ARHGAP31: variants seen among roughly 807,000 people sequenced by gnomAD.
ARHGAP31 encodes Rho GTPase activating protein 31.
Under a neutral mutation model 113.9 loss-of-function variants are expected in ARHGAP31, and 34 were observed. The observed-to-expected ratio is 0.30, with a 90% confidence interval of 0.23 to 0.40. The LOEUF (loss-of-function observed/expected upper bound fraction) is 0.40. Among genes scored for constraint, ARHGAP31 ranks in the 10% least tolerant of loss-of-function variants. The pLI, the probability that ARHGAP31 is intolerant of heterozygous loss-of-function variation, is 1.00. For synonymous variants in ARHGAP31, 650 were observed against 684.8 expected, an observed-to-expected ratio of 0.95 and a Z score of 0.79; for missense variants, 1,548 against 1,767.1, an observed-to-expected ratio of 0.88 and a Z score of 2.22.
intron 1 of ARHGAP31, among the ~76,000 whole-genome samples, chr3:119,323,309 C>T (rs1234237950): frequency 2.0e-5 from 3 of 152,090 alleles, no homozygotes; most frequent in Admixed American, 1.3e-4. Context: ...GCCGCCGGCC[C>T]TGGGGGCAGC....
chr3:119,415,573 C>G lies in ARHGAP31; in HGVS notation c.3644C>G (p.Pro1215Arg). ...ATTCAGTACACCCAGATCCCACAGC[C>G]CCTGCCCTCTCAGAGCTCAGGGGAG... ...PKIQYTQIPQPLPSQSSGENG... is the reference protein window; with the variant it reads ...PKIQYTQIPQRLPSQSSGENG... The change falls in exon 12 of 12, where the codon CCC (proline) becomes CGC (arginine). Residue 1215 changes from proline to arginine, a missense_variant. Pro to Arg is a moderately radical substitution (Grantham distance 103). Transcript: ENST00000264245. The G allele has an allele frequency of 2.5e-6, 4 of 1,614,178 alleles. No homozygotes were observed. The highest frequency in any genetic ancestry group is 3.4e-6 in the Non-Finnish European group (4 of 1,180,046).
At chr3:119,384,104 T>C (rs754243305) in intron 6 of ARHGAP31, among the ~76,000 whole-genome samples, 14 of 152,222 alleles carry the variant, frequency 9.2e-5, no homozygotes, top group Non-Finnish European at 1.8e-4. Context: ...CAATATATTT[T>C]TTAGCTGATC....
chr3:119,414,526 G>C lies in ARHGAP31; in HGVS notation c.2597G>C (p.Arg866Thr). Reference sequence around the variant, plus strand: ...GGCTGTGGTTTTCCAAGCCCAACCAGGGAGGTTGAGATCGTCTCACAAGAA... The same window carrying C: ...GGCTGTGGTTTTCCAAGCCCAACCACGGAGGTTGAGATCGTCTCACAAGAA... ...GKGCGFPSPT[R>T]EVEIVSQEEE... The change falls in exon 12 of 12, where the codon AGG (arginine) becomes ACG (threonine). Residue 866 changes from arginine to threonine, a missense_variant. By Grantham distance (71) the Arg-to-Thr change is moderately conservative (BLOSUM62 -1). Coordinates refer to ENST00000264245, the MANE Select transcript of ARHGAP31 (RefSeq NM_020754.4). The C allele has an allele frequency of 1.9e-6, 3 of 1,614,230 alleles. No individual in the cohort carries two copies. Among genetic ancestry groups the C allele is most frequent in the Non-Finnish European group, 2.5e-6 (3 of 1,180,044 alleles).
At chr3:119,307,957 A>AAAAAAAAAAG (rs1251267299) in intron 1 of ARHGAP31, among the ~76,000 whole-genome samples, 1 of 149,928 alleles carries the variant, frequency 6.7e-6, no homozygotes, top group Non-Finnish European at 1.5e-5. Flanking sequence ...AAAAAAAAAA[A>AAAAAAAAAAG]AAAGCTCAAT....
intron 1 of ARHGAP31, among the ~76,000 whole-genome samples, chr3:119,300,756 G>C (rs2107592334): frequency 6.6e-6 from 1 of 151,686 alleles, no homozygotes; most frequent in South Asian, 2.1e-4. Context: ...GAACCTGGGA[G>C]GCGGAGGTTG....
chr3:119,302,680 A>G (rs1301912538), intron 1 of ARHGAP31, among the ~76,000 whole-genome samples: 1 of 152,238 alleles, frequency 6.6e-6, no homozygotes, highest in African/African-American at 2.4e-5. Context: ...AAGTGATGCC[A>G]AGATTATAGA....
intron 1 of ARHGAP31, among the ~76,000 whole-genome samples, chr3:119,349,670 A>G (rs999332348): frequency 5.9e-5 from 9 of 152,220 alleles, no homozygotes; most frequent in African/African-American, 2.2e-4. Flanking sequence ...TGGAGTCCTG[A>G]TAACAATGGG....
At position 119,350,009 on chromosome 3, in the gene ARHGAP31, G is replaced by A. The variant is rs78771654; in HGVS notation, c.101-15307G>A. On this transcript the variant is annotated intron_variant, in intron 1 of 11. Transcript: ENST00000264245. Reference sequence around the variant, plus strand: ...AAGAGATTTCAGTGCTAATAGAAGGGGATGAGATTTGGTGATTTTTTTTCT... The same window carrying A: ...AAGAGATTTCAGTGCTAATAGAAGGAGATGAGATTTGGTGATTTTTTTTCT... Among the ~76,000 whole-genome samples the A allele has an allele frequency of 3.8e-3, 586 of 152,238 alleles. 2 individuals are homozygous for A. Among genetic ancestry groups the A allele is most frequent in the African/African-American group, 0.013 (541 of 41,546 alleles).
In ARHGAP31 at chr3:119,414,697, T is replaced by A; in HGVS notation, c.2768T>A (p.Leu923Gln). Reference sequence around the variant, plus strand: ...ACGAGTCCCCTTCACTCTCCCACCCTGAAAGACGCGCACAAGGCCCAGGTA... The same window carrying A: ...ACGAGTCCCCTTCACTCTCCCACCCAGAAAGACGCGCACAAGGCCCAGGTA... ...WVTSPLHSPT[L>Q]KDAHKAQVQG... Residue 923 changes from leucine (L) to glutamine (Q), a missense_variant, in exon 12 of 12, where the codon CTG (leucine) becomes CAG (glutamine). Physicochemically the swap from Leu to Gln is moderately radical, Grantham distance 113. Transcript: ENST00000264245. 1 of 1,614,170 alleles carries A rather than the reference T, an allele frequency of 6.2e-7. No individual in the cohort carries two copies. Among genetic ancestry groups the A allele is most frequent in the Admixed American group, 1.7e-5 (1 of 60,018 alleles).
intron 1 of ARHGAP31, among the ~76,000 whole-genome samples, chr3:119,312,639 CAAT>C (rs371563279): frequency 4.3e-4 from 65 of 152,250 alleles, no homozygotes; most frequent in African/African-American, 1.2e-3. Flanking sequence ...ACAACAACAA[CAAT>C]GTGATTTATA....
At position 119,419,809 on chromosome 3, in the gene ARHGAP31, C is replaced by G. The variant is rs2080807300; in HGVS notation, c.*3545C>G. ...TGAGAACTTTGCTTGATTTAGAAAA[C>G]TGGAAAGTGGCAACTAGGCTAGAAT... On this transcript the variant is annotated 3_prime_UTR_variant, in exon 12 of 12. Coordinates refer to ENST00000264245, the MANE Select transcript of ARHGAP31 (RefSeq NM_020754.4). 6.6e-6 allele frequency: 1 copy of G among 152,160 alleles called. No homozygotes were observed. The highest frequency in any genetic ancestry group is 6.5e-5 in the Admixed American group (1 of 15,272). 9.4% of individuals were successfully genotyped at this position (152,160 alleles called of 1,614,324 possible).
intron 7 of ARHGAP31, 40 bp downstream of exon 7, chr3:119,391,023 G>T: frequency 6.2e-7 from 1 of 1,602,742 alleles, no homozygotes; most frequent in Non-Finnish European, 8.5e-7. Flanking sequence ...GAGATGTGTG[G>T]TTGAAGAGGA....
At chr3:119,384,387 A>G (rs1290203879) in intron 6 of ARHGAP31, among the ~76,000 whole-genome samples, 1 of 152,230 alleles carries the variant, frequency 6.6e-6, no homozygotes, top group Non-Finnish European at 1.5e-5. Flanking sequence ...CATCAGTCCA[A>G]AAAGAAACCT....
At chr3:119,354,340 TA>T (rs569574955) in intron 1 of ARHGAP31, among the ~76,000 whole-genome samples, 26 of 152,156 alleles carry the variant, frequency 1.7e-4, no homozygotes, top group South Asian at 8.3e-4. Context: ...TTCTTTCTTT[TA>T]AAAAAAATGC....
intron 11 of ARHGAP31, among the ~76,000 whole-genome samples, chr3:119,410,339 C>A: frequency 6.6e-6 from 1 of 152,098 alleles, no homozygotes; most frequent in East Asian, 1.9e-4. Context: ...GGATGTCCTT[C>A]AATAGAAAGT....
chr3:119,413,819 T>G, intron 11 of ARHGAP31, 37 bp from the exon 12 acceptor site: 2 of 1,614,142 alleles, frequency 1.2e-6, no homozygotes, highest in Non-Finnish European at 1.7e-6. Flanking sequence ...CCCAGAGTAC[T>G]TAGTTCTAAG....
At chr3:119,310,613 A>G (rs527987579) in intron 1 of ARHGAP31, among the ~76,000 whole-genome samples, 2 of 152,328 alleles carry the variant, frequency 1.3e-5, no homozygotes, top group Admixed American at 1.3e-4. Flanking sequence ...CAGGTTCCTT[A>G]TAAGAATCTA....
At chr3:119,401,331 A>AC (rs1200713511) in intron 9 of ARHGAP31, among the ~76,000 whole-genome samples, 3 of 151,392 alleles carry the variant, frequency 2.0e-5, no homozygotes, top group African/African-American at 4.9e-5. Context: ...GGGAAATCAA[A>AC]CCCCCCTGTC....
rs774643536 is a variant in ARHGAP31 at position 119,419,627 on chromosome 3, T to C, written c.*3363T>C. On this transcript the variant is annotated 3_prime_UTR_variant, in exon 12 of 12. Transcript: ENST00000264245. ...CAACCAGGAGCAAGGTTGAGAACCA[T>C]TAAGTTGCCAAACAAAAGCAGAAGG... is the stretch of plus-strand genomic sequence containing the variant. 1.3e-5 allele frequency: 2 copies of C among 152,154 alleles called. No homozygotes were observed. The highest frequency in any genetic ancestry group is 2.4e-5 in the African/African-American group (1 of 41,434). 9.4% of individuals were successfully genotyped at this position (152,154 alleles called of 1,614,324 possible).
Sources: gnomAD v4.1 joint callset for allele counts (sites outside exome capture counted in the v4.1 genomes callset) on GRCh38, gnomAD v4.1.1 for gene constraint, MANE v1.5 for transcripts, NCBI Gene and HGNC (gene_info 2026-07-23, HGNC 2026-07-21) for gene names.